Variants in TUBB8 observed in about 807,000 individuals in gnomAD.
The protein encoded by TUBB8 is tubulin beta-8 chain.
In TUBB8, 25 loss-of-function variants were observed where a neutral mutation model predicts 33.7. That is an observed-to-expected ratio of 0.74 (90% confidence interval 0.54 to 1.04). The LOEUF is 1.04. TUBB8 is among the 50% of genes least tolerant of loss of function. TUBB8 has a pLI of 0.00. For synonymous variants in TUBB8, 245 were observed against 240.1 expected (o/e 1.02, Z -0.19); for missense variants, 279 against 608.0 (o/e 0.46, Z 5.69).
At chr10:62,242 C>G (rs2130944517) in intron 1 of TUBB8, among the ~76,000 whole-genome samples, 1 of 152,122 alleles carries the variant, frequency 6.6e-6, no homozygotes, top group East Asian at 1.9e-4. Flanking sequence ...TTGCTTTTTA[C>G]TTTTTGTACA....
intron 1 of TUBB8, among the ~76,000 whole-genome samples, chr10:70,493 C>T (rs4537687): frequency 6.5e-4 from 98 of 151,808 alleles, no homozygotes; most frequent in Non-Finnish European, 1.3e-3. Flanking sequence ...GGAAACAAAC[C>T]GCAGAAATAA....
upstream of TUBB8, among the ~76,000 whole-genome samples, chr10:75,954 C>A (rs1216496889): frequency 6.6e-6 from 1 of 151,900 alleles, no homozygotes; most frequent in African/African-American, 2.4e-5. Context: ...GCCTGGCCAA[C>A]ATAGTGAAAC....
upstream of TUBB8, among the ~76,000 whole-genome samples, chr10:52,389 AG>A (rs1834479619): frequency 6.6e-6 from 1 of 152,264 alleles, no homozygotes; most frequent in African/African-American, 2.4e-5. Context: ...ACCACAAAGT[AG>A]GATTCTTAGA....
upstream of TUBB8, among the ~76,000 whole-genome samples, chr10:50,750 T>C (rs1475950168): frequency 6.6e-6 from 1 of 152,232 alleles, no homozygotes; most frequent in Non-Finnish European, 1.5e-5. Context: ...TGCAGGGGCC[T>C]AGTTAGTTCA....
chr10:53,907 A>T (rs1363612932), upstream of TUBB8, among the ~76,000 whole-genome samples: 838 of 117,840 alleles, frequency 7.1e-3, no homozygotes, highest in Middle Eastern at 0.019. Context: ...ATTTTTAATT[A>T]ATTTTTGTGG....
At position 46,949 on chromosome 10, in the gene TUBB8, A is replaced by G; in HGVS notation, c.*108T>C. Reference sequence around the variant, plus strand: ...ATACTATAAAAATGCTTTAAAACGCAGCAGGAGATGTGAAGACACAAATTA... The same window carrying G: ...ATACTATAAAAATGCTTTAAAACGCGGCAGGAGATGTGAAGACACAAATTA... On this transcript the variant is annotated 3_prime_UTR_variant, in exon 4 of 4. Coordinates refer to ENST00000568584, the MANE Select transcript of TUBB8 (RefSeq NM_177987.3). The G allele has an allele frequency of 1.7e-6, 1 of 593,744 alleles. No homozygotes were observed. Among genetic ancestry groups the G allele is most frequent in the South Asian group, 2.0e-5 (1 of 49,912 alleles). The allele number at this position is 593,744 out of a possible 1,614,324, so 36.8% of individuals were successfully genotyped here.
chr10:72,512 C>T (rs773325209), intron 1 of TUBB8, among the ~76,000 whole-genome samples: 1 of 152,146 alleles, frequency 6.6e-6, no homozygotes, highest in African/African-American at 2.4e-5. Flanking sequence ...GAGCTGAGAT[C>T]GCGCCACTGC....
chr10:63,082 A>ATTTTTTT (rs34751761), intron 1 of TUBB8, among the ~76,000 whole-genome samples: 20 of 146,542 alleles, frequency 1.4e-4, no homozygotes, highest in African/African-American at 5.1e-4. Context: ...TAAATGTTTA[A>ATTTTTTT]TTTTTTTTTT....
intron 1 of TUBB8, among the ~76,000 whole-genome samples, chr10:69,146 T>C (rs1401008816): frequency 1.3e-5 from 2 of 152,198 alleles, no homozygotes; most frequent in Admixed American, 6.5e-5. Flanking sequence ...GATTCAACTT[T>C]TACAATGGAT....
At chr10:76,250 C>G (rs1165952019), upstream of TUBB8, among the ~76,000 whole-genome samples, 10 of 152,186 alleles carry the variant, frequency 6.6e-5, no homozygotes, top group South Asian at 6.2e-4. Context: ...GCACAACGGC[C>G]TCTCCACGTT....
At chr10:48,495 G>A in intron 3 of TUBB8, 120 bp downstream of exon 3, 5 of 964,528 alleles carry the variant, frequency 5.2e-6, no homozygotes, top group South Asian at 1.3e-5. Flanking sequence ...TCGACTCGGA[G>A]GATAGGAGGG....
In TUBB8 at chr10:58,169, C is replaced by G. The variant is rs560079950; in HGVS notation, c.-845-7936G>C. On this transcript the variant is annotated intron_variant, in intron 1 of 3. Coordinates refer to the TUBB8 transcript ENST00000564130. ...GCTAAGACAACATGAATGACCTTTGCTTCGGTCCTAATTTTCTAATTTTCA... is the reference window on the plus strand; with the variant it reads ...GCTAAGACAACATGAATGACCTTTGGTTCGGTCCTAATTTTCTAATTTTCA... 5.0e-3 allele frequency among the ~76,000 whole-genome samples: 765 copies of G among 152,312 alleles called. 2 individuals carry two copies. Among genetic ancestry groups the G allele is most frequent in the African/African-American group, 0.017 (720 of 41,566 alleles).
upstream of TUBB8, among the ~76,000 whole-genome samples, chr10:52,472 C>A (rs1438096690): frequency 6.6e-6 from 1 of 152,212 alleles, no homozygotes; most frequent in Non-Finnish European, 1.5e-5. Context: ...GAAATGACTC[C>A]ATTACAGAGT....
chr10:68,185 T>C (rs150887528), intron 1 of TUBB8, among the ~76,000 whole-genome samples: 14,468 of 112,344 alleles, frequency 0.13, no homozygotes, highest in African/African-American at 0.26. Flanking sequence ...ATCGTAATAC[T>C]GATATGACAC....
intron 1 of TUBB8, among the ~76,000 whole-genome samples, chr10:66,789 C>T (rs1194902356): frequency 6.6e-6 from 1 of 152,114 alleles, no homozygotes; most frequent in Non-Finnish European, 1.5e-5. Flanking sequence ...TTGGGCAGGA[C>T]AGCAAGACCC....
At chr10:60,469 T>C (rs1241603608) in intron 1 of TUBB8, among the ~76,000 whole-genome samples, 3 of 151,976 alleles carry the variant, frequency 2.0e-5, no homozygotes, top group Non-Finnish European at 2.9e-5. Context: ...AAAAAACACA[T>C]GAAAAAATGC....
At chr10:48,504 G>T in intron 3 of TUBB8, 111 bp downstream of exon 3, 1 of 1,021,190 alleles carries the variant, frequency 9.8e-7, no homozygotes, top group Middle Eastern at 2.0e-4. Context: ...AGGATAGGAG[G>T]GTGTTCAGGG....
At chr10:69,723 C>CATCT (rs1442336301) in intron 1 of TUBB8, among the ~76,000 whole-genome samples, 5 of 152,142 alleles carry the variant, frequency 3.3e-5, no homozygotes, top group Non-Finnish European at 7.3e-5. Flanking sequence ...GGCAAAACCT[C>CATCT]ATCTCTACAA....
intron 1 of TUBB8, among the ~76,000 whole-genome samples, chr10:66,287 A>G (rs1346954392): frequency 1.3e-5 from 2 of 152,268 alleles, no homozygotes; most frequent in African/African-American, 2.4e-5. Context: ...ACAACACAAA[A>G]TGTCAATACA....
Sources: gnomAD v4.1 joint callset for allele counts (sites outside exome capture counted in the v4.1 genomes callset) on GRCh38, gnomAD v4.1.1 for gene constraint, MANE v1.5 for transcripts, NCBI Gene and HGNC (gene_info 2026-07-23, HGNC 2026-07-21) for gene names.